Variants in PACC1 observed in about 807,000 individuals in gnomAD.
PACC1 encodes proton activated chloride channel 1, also known as proton-activated chloride channel.
PACC1 carries 34 observed loss-of-function variants against 39.7 expected under a neutral mutation model. The ratio of observed to expected loss-of-function variants is 0.86; its 90% CI spans 0.65 to 1.14. The LOEUF is 1.14. Ranked by LOEUF, PACC1 falls within the 50% of genes most tolerant of loss-of-function variation. The pLI is 0.00. For synonymous variants in PACC1, 127 were observed against 160.6 expected, an observed-to-expected ratio of 0.79 and a Z score of 1.58; for missense variants, 379 against 436.4, an observed-to-expected ratio of 0.87 and a Z score of 1.17.
rs35052406 is a variant in PACC1, at chr1:212,366,300, C to CTT, written c.892-926_892-925dup. Among the ~76,000 whole-genome samples, 234 of 107,388 alleles carry CTT rather than the reference C, an allele frequency of 2.2e-3. 7 individuals are homozygous for CTT. Among genetic ancestry groups the CTT allele is most frequent in the African/African-American group, 6.0e-3 (162 of 27,164 alleles). 70.5% of individuals were successfully genotyped at this position (107,388 alleles called of 152,430 possible). On this transcript the variant is annotated intron_variant, in intron 7 of 7. Coordinates refer to ENST00000261455, the MANE Select transcript of PACC1 (RefSeq NM_018252.3). ...TGACTTCCACAACCTGGTAAGAATA[C>CTT]TTTTTTTTTTTTTTTTTTTTTGAGA... is the stretch of plus-strand genomic sequence containing the variant.
At chr1:212,371,780 A>T (rs1319064681) in intron 7 of PACC1, among the ~76,000 whole-genome samples, 1 of 152,218 alleles carries the variant, frequency 6.6e-6, no homozygotes, top group African/African-American at 2.4e-5. Context: ...AGTCCTCAAC[A>T]AAGTATCAGC....
At chr1:212,414,600 T>G in intron 1 of PACC1, 122 bp downstream of exon 1, 1 of 1,249,508 alleles carries the variant, frequency 8.0e-7, no homozygotes, top group Non-Finnish European at 1.1e-6. Context: ...GACGCACCCG[T>G]CGGTCCCTCG....
chr1:212,414,886 G>A lies in PACC1; in HGVS notation c.-129C>T. ...AACCGGTCCGGAGGGGCGTCCCAGA[G>A]ACCAGGCGTGGCGATACTCGGCGCA... is the stretch of plus-strand genomic sequence containing the variant. On this transcript the variant is annotated 5_prime_UTR_variant, in exon 1 of 8. Transcript: ENST00000261455. The A allele has an allele frequency of 5.6e-6, 7 of 1,242,644 alleles. No individual in the cohort carries two copies. Among genetic ancestry groups the A allele is most frequent in the East Asian group, 2.5e-5 (1 of 39,532 alleles). 77.0% of individuals were successfully genotyped at this position (1,242,644 alleles called of 1,614,324 possible).
intron 2 of PACC1, among the ~76,000 whole-genome samples, chr1:212,405,404 G>A (rs1661871867): frequency 6.6e-6 from 1 of 152,228 alleles, no homozygotes; most frequent in African/African-American, 2.4e-5. Context: ...CTCAATAAAT[G>A]TGACCTATCA....
intron 2 of PACC1, among the ~76,000 whole-genome samples, chr1:212,403,470 C>T (rs1661789039): frequency 6.6e-6 from 1 of 152,230 alleles, no homozygotes; most frequent in South Asian, 2.1e-4. Context: ...CCAGGTTGCA[C>T]AACTCCAGCC....
intron 1 of PACC1, among the ~76,000 whole-genome samples, chr1:212,412,224 T>C (rs1458107821): frequency 6.6e-6 from 1 of 151,888 alleles, no homozygotes; most frequent in East Asian, 1.9e-4. Context: ...TATAAGCCAC[T>C]AGCAGGAGCA....
At chr1:212,371,254 A>G (rs1463126245) in intron 7 of PACC1, among the ~76,000 whole-genome samples, 1 of 144,300 alleles carries the variant, frequency 6.9e-6, no homozygotes, top group Non-Finnish European at 1.5e-5. Flanking sequence ...AAAAAAAAAA[A>G]AAAAAGAAAG....
At chr1:212,388,571 T>C (rs1661188979) in intron 2 of PACC1, among the ~76,000 whole-genome samples, 1 of 151,990 alleles carries the variant, frequency 6.6e-6, no homozygotes, top group Admixed American at 6.6e-5. Flanking sequence ...AGAATCCTTA[T>C]AAGAGGAGGA....
chr1:212,369,218 G>A (rs1442968186), intron 7 of PACC1, among the ~76,000 whole-genome samples: 1 of 151,874 alleles, frequency 6.6e-6, no homozygotes, highest in Non-Finnish European at 1.5e-5. Context: ...TAACCATAAA[G>A]CAAAAACCTA....
intron 2 of PACC1, among the ~76,000 whole-genome samples, chr1:212,395,851 G>T (rs1390364268): frequency 2.0e-5 from 3 of 152,066 alleles, no homozygotes; most frequent in South Asian, 4.1e-4. Flanking sequence ...CATCATCACT[G>T]GCCATCAGAG....
rs572303663 is a variant in PACC1, at chr1:212,399,993, C to T, written c.133+10432G>A. 1.2e-3 allele frequency among the ~76,000 whole-genome samples: 183 copies of T among 152,094 alleles called. 1 individual carries two copies. Among genetic ancestry groups the T allele is most frequent in the Middle Eastern group, 3.4e-3 (1 of 294 alleles). ...CCAAGTAGCTGGAATTACAGGTGTG[C>T]GCCACCACACCTGGCTAATTTTTTA... On this transcript the variant is annotated intron_variant, in intron 2 of 7. Transcript: ENST00000261455.
Position 212,408,219 on chromosome 1 carries a change from AG to A in PACC1, c.133+2205del, listed in dbSNP as rs375279742. Among the ~76,000 whole-genome samples, 146 of 152,194 alleles carry A rather than the reference AG, an allele frequency of 9.6e-4. 3 individuals carry two copies. In the South Asian group the frequency reaches 0.03, roughly 31 times the overall value. ...TGAGGTTGGGGGCCTCATCTGTAAA[AG>A]GGGGATAACCACTTCACAGGGTTGA... On this transcript the variant is annotated intron_variant, in intron 2 of 7. Transcript: ENST00000261455.
intron 7 of PACC1, among the ~76,000 whole-genome samples, chr1:212,371,729 G>A (rs1660467725): frequency 6.6e-6 from 1 of 152,044 alleles, no homozygotes; most frequent in South Asian, 2.1e-4. Flanking sequence ...AACAAAAAAT[G>A]AAAACTACAG....
intron 2 of PACC1, among the ~76,000 whole-genome samples, chr1:212,391,432 C>G (rs1661316638): frequency 2.0e-5 from 3 of 152,236 alleles, no homozygotes; most frequent in African/African-American, 4.8e-5. Flanking sequence ...ACACCAAAAC[C>G]CCATCTGTAC....
chr1:212,378,522 C>G (rs1470508315), intron 5 of PACC1, among the ~76,000 whole-genome samples: 1 of 152,164 alleles, frequency 6.6e-6, no homozygotes, highest in Non-Finnish European at 1.5e-5. Flanking sequence ...TAGCTGCCTC[C>G]CTGCTTGCTC....
chr1:212,370,539 T>A (rs947570895), intron 7 of PACC1, among the ~76,000 whole-genome samples: 2 of 152,246 alleles, frequency 1.3e-5, no homozygotes, highest in Non-Finnish European at 2.9e-5. Context: ...GGAGACCATA[T>A]GTTGGGCCAC....
At chr1:212,377,013 CAG>C (rs898404801) in intron 6 of PACC1, 1 of 152,356 alleles carries the variant, frequency 6.6e-6, no homozygotes, top group African/African-American at 2.4e-5. Flanking sequence ...ATATCACCTG[CAG>C]AGTTATATGT....
chr1:212,400,896 G>T (rs1470769379), intron 2 of PACC1, among the ~76,000 whole-genome samples: 1 of 152,164 alleles, frequency 6.6e-6, no homozygotes, highest in Non-Finnish European at 1.5e-5. Flanking sequence ...TCTGTGATGG[G>T]CAATTCAGTT....
intron 1 of PACC1, among the ~76,000 whole-genome samples, chr1:212,413,434 T>G (rs561365629): frequency 4.7e-5 from 5 of 107,300 alleles, no homozygotes; most frequent in Non-Finnish European, 7.2e-5. Flanking sequence ...AGGCAGCAAG[T>G]TCATTATGAG....
Sources: allele counts gnomAD v4.1 joint callset (sites outside exome capture counted in the v4.1 genomes callset), GRCh38; gene constraint gnomAD v4.1.1; transcripts MANE v1.5; gene names NCBI Gene and HGNC (gene_info 2026-07-23, HGNC 2026-07-21).